SPARCL1: variants seen among roughly 807,000 people sequenced by gnomAD.
SPARCL1 encodes the protein SPARC-like protein 1.
Under a neutral mutation model 67.1 loss-of-function variants are expected in SPARCL1, and 52 were observed. That is an observed-to-expected ratio of 0.78 (90% confidence interval 0.62 to 0.98). The LOEUF (loss-of-function observed/expected upper bound fraction) is 0.98. Ranked by LOEUF, SPARCL1 falls within the 50% of genes least tolerant of loss-of-function variation. SPARCL1 has a pLI of 0.00. For missense variants in SPARCL1, 717 were observed against 782.4 expected (o/e 0.92, Z 1.00); for synonymous variants, 226 against 267.8 (o/e 0.84, Z 1.52).
In SPARCL1 at chr4:87,511,967, C is replaced by CTTTTTTTTT. The variant is rs3037337; in HGVS notation, c.-11-12391_-11-12383dup. On this transcript the variant is annotated intron_variant, in intron 1 of 10. Coordinates refer to ENST00000282470, the MANE Select transcript of SPARCL1 (RefSeq NM_004684.6). ...TTCCTTTCCTTTCCTCTTTCTTTCT[C>CTTTTTTTTT]TTTTTTTTTTTTTTTGAGACAGAGT... is the stretch of plus-strand genomic sequence containing the variant. Among the ~76,000 whole-genome samples the CTTTTTTTTT allele has an allele frequency of 9.5e-4, 115 of 121,530 alleles. 4 individuals carry two copies. Among genetic ancestry groups the CTTTTTTTTT allele is most frequent in the East Asian group, 7.1e-3 (27 of 3,792 alleles). The allele number at this position is 121,530 out of a possible 152,430, so 79.7% of individuals were successfully genotyped here.
intron 10 of SPARCL1, among the ~76,000 whole-genome samples, chr4:87,474,887 C>T (rs1484953610): frequency 3.3e-5 from 5 of 152,102 alleles, no homozygotes; most frequent in East Asian, 1.9e-4. Context: ...GGACTACAGG[C>T]GCCCGCCACC....
intron 4 of SPARCL1, 88 bp from the exon 5 acceptor site, chr4:87,491,778 T>A: frequency 1.1e-6 from 1 of 944,642 alleles, no homozygotes; most frequent in Non-Finnish European, 1.7e-6. Flanking sequence ...CTTTCACGAG[T>A]ATTTTTCATG....
At position 87,482,344 on chromosome 4, in the gene SPARCL1, G is replaced by A. The variant is rs1214667696; in HGVS notation, c.1668+80C>T. On this transcript the variant is annotated intron_variant, in intron 8 of 10. Coordinates refer to ENST00000282470, the MANE Select transcript of SPARCL1 (RefSeq NM_004684.6). ...AGTGGGCTTTTGCCAGTATGCAGAG[G>A]TAGGTAGCCCCCCCACCACGTCTTT... The A allele has an allele frequency of 5.4e-6, 8 of 1,489,160 alleles. No individual in the cohort carries two copies. The African/African-American group carries it at 8.2e-5, about 15-fold the overall frequency. 92.2% of individuals were successfully genotyped at this position (1,489,160 alleles called of 1,614,324 possible).
chr4:87,518,713 A>G (rs1287519021), intron 1 of SPARCL1, among the ~76,000 whole-genome samples: 2 of 152,210 alleles, frequency 1.3e-5, no homozygotes, highest in Non-Finnish European at 2.9e-5. Flanking sequence ...TAAGACATTA[A>G]CCTGCTTCTC....
chr4:87,479,503 A>C lies in SPARCL1; in HGVS notation c.1893T>G (p.Phe631Leu), dbSNP rs781471762. 6.2e-7 allele frequency: 1 copy of C among 1,613,986 alleles called. No homozygotes were observed. Among genetic ancestry groups the C allele is most frequent in the Non-Finnish European group, 8.5e-7 (1 of 1,180,012 alleles). Residue 631 changes from phenylalanine to leucine, a missense_variant, in exon 10 of 11, where the codon TTT becomes TTG. Physicochemically the swap from Phe to Leu is conservative, Grantham distance 22. Transcript: ENST00000282470. ...VPMEHCITRF[F>L]EECDPNKDKH... ...TATCCTTGTTGGGGTCACACTCCTC[A>C]AAGAAACGGGTTATGCAGTGTTCCA...
At chr4:87,519,643 T>C (rs1725724766) in intron 1 of SPARCL1, among the ~76,000 whole-genome samples, 1 of 152,166 alleles carries the variant, frequency 6.6e-6, no homozygotes. Context: ...TTTTTCCCTA[T>C]AAGCTGCAAA....
chr4:87,496,318 G>C (rs1203454942), intron 2 of SPARCL1, among the ~76,000 whole-genome samples: 1 of 152,046 alleles, frequency 6.6e-6, no homozygotes, highest in African/African-American at 2.4e-5. Flanking sequence ...TGCCTCCCAG[G>C]CTCAAGCCAC....
At chr4:87,496,215 A>C (rs1724614551) in intron 2 of SPARCL1, among the ~76,000 whole-genome samples, 1 of 152,152 alleles carries the variant, frequency 6.6e-6, no homozygotes, top group Non-Finnish European at 1.5e-5. Context: ...AACATTAATA[A>C]AATTAATTCA....
intron 1 of SPARCL1, among the ~76,000 whole-genome samples, chr4:87,516,963 A>C (rs1725607240): frequency 6.6e-6 from 1 of 152,096 alleles, no homozygotes; most frequent in African/African-American, 2.4e-5. Flanking sequence ...CCAGGGAGAC[A>C]GTTGCCTGTT....
At chr4:87,501,381 A>T (rs983040879) in intron 1 of SPARCL1, among the ~76,000 whole-genome samples, 7 of 152,156 alleles carry the variant, frequency 4.6e-5, no homozygotes, top group Non-Finnish European at 7.3e-5. Flanking sequence ...CACATACTCC[A>T]TAAGTTTCTT....
intron 1 of SPARCL1, among the ~76,000 whole-genome samples, chr4:87,522,961 A>G (rs17756327): frequency 0.2 from 29,983 of 152,192 alleles, 3,441 homozygotes; most frequent in South Asian, 0.36. Flanking sequence ...CAAAAAAACA[A>G]TTAGAAATCA....
Position 87,504,280 on chromosome 4 carries a change from T to G in SPARCL1, c.-11-4695A>C, listed in dbSNP as rs188420381. ...TGGACTAATCAATTCCCAGTTTTAA[T>G]GAAAAGGACATGTACTTGGAGACTC... is the stretch of plus-strand genomic sequence containing the variant. On this transcript the variant is annotated intron_variant, in intron 1 of 10. Coordinates refer to ENST00000282470, the MANE Select transcript of SPARCL1 (RefSeq NM_004684.6). 2.6e-5 allele frequency among the ~76,000 whole-genome samples: 4 copies of G among 151,830 alleles called. No individual in the cohort carries two copies. In the South Asian group the frequency reaches 8.3e-4, roughly 32 times the overall value.
intron 2 of SPARCL1, among the ~76,000 whole-genome samples, chr4:87,496,819 G>A (rs1182342597): frequency 6.6e-6 from 1 of 152,128 alleles, no homozygotes; most frequent in East Asian, 1.9e-4. Context: ...TATTCCATTA[G>A]CAGGTCCTGT....
intron 1 of SPARCL1, among the ~76,000 whole-genome samples, chr4:87,509,434 A>G (rs1725255218): frequency 6.6e-6 from 1 of 152,194 alleles, no homozygotes; most frequent in African/African-American, 2.4e-5. Flanking sequence ...GTTCTTAACT[A>G]CAGTGTTCTT....
intron 2 of SPARCL1, among the ~76,000 whole-genome samples, chr4:87,495,862 C>T (rs1386298512): frequency 1.3e-5 from 2 of 152,086 alleles, no homozygotes; most frequent in East Asian, 1.9e-4. Flanking sequence ...ACCCTGGAGG[C>T]GGAGGTTGCA....
In SPARCL1 at chr4:87,480,374, A is replaced by T. The variant is rs747217935; in HGVS notation, c.1815T>A (p.Asp605Glu). ...ATGGAAAGGTAAAGAGTTCTTACCT[A>T]TCCATAGGGTGTTGGTCAAGTTCAC... ...QFSELDQHPM[D>E]RVLTHSELAP... The change falls in exon 9 of 11, where the codon GAT (aspartate) becomes GAA (glutamate). Residue 605 changes from aspartate to glutamate, a missense_variant and splice_region_variant. Physicochemically the swap from Asp to Glu is conservative, Grantham distance 45. Transcript: ENST00000282470. 1 of 1,598,002 alleles carries T rather than the reference A, an allele frequency of 6.3e-7. No individual in the cohort carries two copies. The highest frequency in any genetic ancestry group is 1.1e-5 in the South Asian group (1 of 87,014).
intron 7 of SPARCL1, among the ~76,000 whole-genome samples, chr4:87,486,241 G>A (rs1050384708): frequency 1.8e-4 from 28 of 152,074 alleles, no homozygotes; most frequent in Non-Finnish European, 1.6e-4. Flanking sequence ...TTTTAGCTGT[G>A]TCCCAGAGAT....
At chr4:87,512,279 C>T (rs1054382950) in intron 1 of SPARCL1, among the ~76,000 whole-genome samples, 1 of 151,972 alleles carries the variant, frequency 6.6e-6, no homozygotes, top group Non-Finnish European at 1.5e-5. Context: ...CCAGATTTCC[C>T]TTCTGTGCTG....
intron 4 of SPARCL1, among the ~76,000 whole-genome samples, chr4:87,491,943 CA>C (rs201910568): frequency 0.77 from 84,097 of 109,908 alleles, 31,457 homozygotes; most frequent in African/African-American, 0.88. Context: ...CATCTCTACC[CA>C]CCCCCCCCCC....
Sources: allele counts gnomAD v4.1 joint callset (sites outside exome capture counted in the v4.1 genomes callset), GRCh38; gene constraint gnomAD v4.1.1; transcripts MANE v1.5; gene names NCBI Gene and HGNC (gene_info 2026-07-23, HGNC 2026-07-21).